Variants in ARMH3 observed in about 807,000 individuals in gnomAD.
ARMH3 encodes armadillo like helical domain containing 3, also known as armadillo-like helical domain-containing protein 3.
In ARMH3, 60 loss-of-function variants were observed where a neutral mutation model predicts 99.1. That is an observed-to-expected ratio of 0.61 (90% CI 0.49 to 0.75). The LOEUF (loss-of-function observed/expected upper bound fraction) is 0.75, where lower values mean the gene tolerates loss of function less well. Ranked by LOEUF, ARMH3 falls within the 30% of genes least tolerant of loss-of-function variation. The pLI, the probability that ARMH3 is intolerant of heterozygous loss-of-function variation, is 0.00. For missense variants in ARMH3, 679 were observed against 843.1 expected, an observed-to-expected ratio of 0.81 and a Z score of 2.41; for synonymous variants, 285 against 292.8, an observed-to-expected ratio of 0.97 and a Z score of 0.27.
At chr10:101,848,072 T>C (rs1490232165) in intron 25 of ARMH3, among the ~76,000 whole-genome samples, 1 of 152,180 alleles carries the variant, frequency 6.6e-6, no homozygotes, top group Non-Finnish European at 1.5e-5. Flanking sequence ...TATTTACATT[T>C]TGGGGTTAGA....
rs150336823 is a variant in ARMH3, at chr10:101,994,758, C to T, written c.1209+539G>A. ...TTTATTTTTTAAACTGCTCCACTGC[C>T]GAGCATGGTGGCTCACGCCTGTAAT... On this transcript the variant is annotated intron_variant, in intron 16 of 25. Coordinates refer to ENST00000370033, the MANE Select transcript of ARMH3 (RefSeq NM_024541.3). Among the ~76,000 whole-genome samples, 309 of 152,230 alleles carry T rather than the reference C, an allele frequency of 2.0e-3. 3 individuals are homozygous for T. The highest frequency in any genetic ancestry group is 3.1e-3 in the Non-Finnish European group (210 of 68,016).
chr10:102,016,781 T>G (rs1356136491), intron 8 of ARMH3, among the ~76,000 whole-genome samples: 1 of 152,220 alleles, frequency 6.6e-6, no homozygotes, highest in Non-Finnish European at 1.5e-5. Flanking sequence ...AAGACAGAAT[T>G]ACAAAATCTT....
intron 23 of ARMH3, among the ~76,000 whole-genome samples, chr10:101,913,987 T>A (rs912318478): frequency 6.6e-6 from 1 of 152,132 alleles, no homozygotes. Flanking sequence ...TTCTACCCTA[T>A]GAAATCTTGC....
chr10:102,053,214 T>TAAAAAAAAAAAAAAAAAAAAAAAAAA (rs1191838493), intron 1 of ARMH3, among the ~76,000 whole-genome samples: 1 of 49,008 alleles, frequency 2.0e-5, no homozygotes. Context: ...CCTCAGAAGC[T>TAAAAAAAAAAAAAAAAAAAAAAAAAA]AAAAAAAAAA....
chr10:101,930,736 G>C (rs1843689988), intron 23 of ARMH3, among the ~76,000 whole-genome samples: 1 of 152,140 alleles, frequency 6.6e-6, no homozygotes, highest in South Asian at 2.1e-4. Flanking sequence ...TCCCTACTAA[G>C]CCCAGATGAG....
intron 22 of ARMH3, among the ~76,000 whole-genome samples, chr10:101,948,171 C>A (rs1417682923): frequency 1.3e-5 from 2 of 151,984 alleles, no homozygotes; most frequent in Non-Finnish European, 2.9e-5. Context: ...GGATAATAAA[C>A]ACGACCCAAC....
At chr10:101,875,733 A>G (rs2067244295) in intron 24 of ARMH3, among the ~76,000 whole-genome samples, 1 of 152,204 alleles carries the variant, frequency 6.6e-6, no homozygotes, top group Non-Finnish European at 1.5e-5. Flanking sequence ...GTGAGAGGCC[A>G]TCAGTTGGTT....
chr10:101,920,788 C>T (rs988080177), intron 23 of ARMH3, among the ~76,000 whole-genome samples: 7 of 152,110 alleles, frequency 4.6e-5, no homozygotes, highest in Non-Finnish European at 1.0e-4. Flanking sequence ...GTGGTATATA[C>T]ATACAATGGA....
chr10:102,045,719 A>C (rs1284365642), intron 1 of ARMH3, among the ~76,000 whole-genome samples: 1 of 152,194 alleles, frequency 6.6e-6, no homozygotes, highest in African/African-American at 2.4e-5. Flanking sequence ...ATTATGATAC[A>C]GTCATACAAT....
At chr10:101,894,401 G>T (rs1372220057) in intron 23 of ARMH3, among the ~76,000 whole-genome samples, 2 of 152,172 alleles carry the variant, frequency 1.3e-5, no homozygotes, top group African/African-American at 4.8e-5. Context: ...CAGAAGACTG[G>T]AACCAGGCTA....
chr10:102,010,174 A>G (rs2066600261), intron 11 of ARMH3, 151 bp from the exon 12 acceptor site: 1 of 601,930 alleles, frequency 1.7e-6, no homozygotes, highest in African/African-American at 1.9e-5. Flanking sequence ...CACCAAAACC[A>G]GCCCACTTTG....
At chr10:102,047,757 G>T (rs1047840353) in intron 1 of ARMH3, among the ~76,000 whole-genome samples, 1 of 152,044 alleles carries the variant, frequency 6.6e-6, no homozygotes, top group African/African-American at 2.4e-5. Context: ...CAAAGTGCTG[G>T]GATTACAGGC....
intron 9 of ARMH3, among the ~76,000 whole-genome samples, chr10:102,013,101 A>G (rs2136118325): frequency 1.3e-5 from 2 of 152,356 alleles, no homozygotes; most frequent in South Asian, 4.1e-4. Context: ...TACAATTAAA[A>G]TGGATTATCA....
chr10:101,883,446 G>A (rs926391416), intron 24 of ARMH3, among the ~76,000 whole-genome samples: 1 of 152,014 alleles, frequency 6.6e-6, no homozygotes, highest in Non-Finnish European at 1.5e-5. Context: ...AAGAATAGAG[G>A]AGAGGGAGTA....
At chr10:101,895,269 G>T (rs1043883969) in intron 23 of ARMH3, among the ~76,000 whole-genome samples, 3 of 149,534 alleles carry the variant, frequency 2.0e-5, no homozygotes, top group African/African-American at 7.4e-5. Context: ...GTCTAAAAAC[G>T]ATAAAATTCT....
chr10:101,994,672 TTCCCCTCTCTGGCTTTACTA>T (rs774790657), intron 16 of ARMH3, among the ~76,000 whole-genome samples: 19 of 152,210 alleles, frequency 1.2e-4, no homozygotes, highest in South Asian at 6.2e-4. Context: ...GAGTTTCCAA[TTCCCCTCTCTGGCTTTACTA>T]TCCACCCCTT....
intron 24 of ARMH3, among the ~76,000 whole-genome samples, chr10:101,870,871 T>C (rs573188586): frequency 8.2e-4 from 125 of 152,064 alleles, no homozygotes; most frequent in Middle Eastern, 3.4e-3. Flanking sequence ...CCCGACGAGG[T>C]TGACGCTGCA....
chr10:101,860,931 A>G (rs115571491), intron 24 of ARMH3, among the ~76,000 whole-genome samples: 64 of 152,364 alleles, frequency 4.2e-4, no homozygotes, highest in African/African-American at 1.4e-3. Flanking sequence ...AAAGTCCAAT[A>G]TAATTTAAAG....
At position 101,915,958 on chromosome 10, in the gene ARMH3, G is replaced by A. The variant is rs1292450201; in HGVS notation, c.1781+23905C>T. Among the ~76,000 whole-genome samples the A allele has an allele frequency of 6.6e-5, 10 of 151,908 alleles. No homozygotes were observed. The East Asian group carries it at 7.7e-4, about 12-fold the overall frequency. ...AGCTGGAACTACAGGCGCCCACCACGGCGCCTGGCTAATTTTTTTGTATTT... is the reference window on the plus strand; with the variant it reads ...AGCTGGAACTACAGGCGCCCACCACAGCGCCTGGCTAATTTTTTTGTATTT... On this transcript the variant is annotated intron_variant, in intron 23 of 25. Coordinates refer to ENST00000370033, the MANE Select transcript of ARMH3 (RefSeq NM_024541.3).
Sources: gnomAD v4.1 joint callset for allele counts (sites outside exome capture counted in the v4.1 genomes callset) on GRCh38, gnomAD v4.1.1 for gene constraint, MANE v1.5 for transcripts, NCBI Gene and HGNC (gene_info 2026-07-23, HGNC 2026-07-21) for gene names.